The following FGF12 variants were observed in gnomAD, a reference collection of about 807,000 sequenced individuals.
FGF12 encodes the protein fibroblast growth factor 12B.
FGF12 carries 14 observed loss-of-function variants against 23.6 expected under a neutral mutation model. The ratio of observed to expected loss-of-function variants is 0.59; its 90% CI spans 0.39 to 0.93. The LOEUF is 0.93. Among genes scored for constraint, FGF12 ranks in the 40% least tolerant of loss-of-function variants. The pLI is 0.00. For missense variants in FGF12, 175 were observed against 217.8 expected, an observed-to-expected ratio of 0.80 and a Z score of 1.24; for synonymous variants, 62 against 77.3, an observed-to-expected ratio of 0.80 and a Z score of 1.04.
chr3:192,714,626 C>T (rs1457678058), intron 2 of FGF12, among the ~76,000 whole-genome samples: 2 of 147,448 alleles, frequency 1.4e-5, no homozygotes, highest in African/African-American at 5.0e-5. Context: ...TCACGCCATT[C>T]TCCTGCCTCA....
At chr3:192,163,591 T>C (rs1390783352) in intron 5 of FGF12, among the ~76,000 whole-genome samples, 1 of 152,180 alleles carries the variant, frequency 6.6e-6, no homozygotes, top group Non-Finnish European at 1.5e-5. Context: ...AGAAATCCCC[T>C]GGACAGCGTT....
At chr3:192,300,556 T>A (rs1715284297) in intron 4 of FGF12, among the ~76,000 whole-genome samples, 1 of 152,112 alleles carries the variant, frequency 6.6e-6, no homozygotes, top group African/African-American at 2.4e-5. Flanking sequence ...GGGGCGGTCA[T>A]GAGAAGTAAG....
At chr3:192,671,228 TAA>T (rs1204434746) in intron 2 of FGF12, among the ~76,000 whole-genome samples, 3 of 152,142 alleles carry the variant, frequency 2.0e-5, no homozygotes, top group African/African-American at 7.2e-5. Context: ...AGGAAAACAT[TAA>T]AAGAGAGTGA....
intron 2 of FGF12, among the ~76,000 whole-genome samples, chr3:192,675,845 A>G (rs1189867307): frequency 2.6e-5 from 4 of 152,068 alleles, no homozygotes; most frequent in Non-Finnish European, 5.9e-5. Flanking sequence ...CAGTGGAAAC[A>G]ACCGAGGTCT....
intron 2 of FGF12, among the ~76,000 whole-genome samples, chr3:192,532,953 C>T (rs995133440): frequency 2.6e-5 from 4 of 152,106 alleles, no homozygotes; most frequent in Non-Finnish European, 4.4e-5. Flanking sequence ...TTTCTCTAAC[C>T]TTATTTCTCC....
intron 5 of FGF12, among the ~76,000 whole-genome samples, chr3:192,165,799 A>C (rs1253682935): frequency 6.6e-6 from 1 of 152,156 alleles, no homozygotes; most frequent in Non-Finnish European, 1.5e-5. Flanking sequence ...CTTACTTCAG[A>C]TTGAAGGGCA....
chr3:192,466,194 C>T (rs192641973), intron 2 of FGF12, among the ~76,000 whole-genome samples: 183 of 152,238 alleles, frequency 1.2e-3, no homozygotes, highest in Non-Finnish European at 2.0e-3. Flanking sequence ...CTAAACATAT[C>T]TAAACACAGA....
At chr3:192,149,320 T>TC (rs1212985098) in intron 5 of FGF12, among the ~76,000 whole-genome samples, 1 of 151,640 alleles carries the variant, frequency 6.6e-6, no homozygotes, top group Non-Finnish European at 1.5e-5. Flanking sequence ...TGAACCTTTT[T>TC]TTTATTATTA....
intron 4 of FGF12, among the ~76,000 whole-genome samples, chr3:192,331,894 T>TA (rs1717141747): frequency 6.6e-6 from 1 of 152,114 alleles, no homozygotes; most frequent in Non-Finnish European, 1.5e-5. Context: ...CTCAGAATTG[T>TA]ATAACTACCT....
intron 2 of FGF12, among the ~76,000 whole-genome samples, chr3:192,723,947 G>A (rs867805510): frequency 7.9e-6 from 1 of 127,146 alleles, no homozygotes. Flanking sequence ...AGGAAAGGAG[G>A]GGAGGGGAGG....
At chr3:192,685,946 C>T (rs1717716312) in intron 2 of FGF12, among the ~76,000 whole-genome samples, 1 of 152,158 alleles carries the variant, frequency 6.6e-6, no homozygotes, top group African/African-American at 2.4e-5. Flanking sequence ...GCCCATCTGT[C>T]TCCATGACTG....
chr3:192,446,279 G>A (rs2108799243), intron 2 of FGF12, among the ~76,000 whole-genome samples: 1 of 152,278 alleles, frequency 6.6e-6, no homozygotes, highest in Non-Finnish European at 1.5e-5. Context: ...TATACCAAGT[G>A]AAAAACATAG....
At chr3:192,645,108 A>AT (rs1715953408) in intron 2 of FGF12, among the ~76,000 whole-genome samples, 1 of 152,152 alleles carries the variant, frequency 6.6e-6, no homozygotes, top group African/African-American at 2.4e-5. Flanking sequence ...GCTGAAGCCA[A>AT]AGAAGCTTGG....
intron 2 of FGF12, among the ~76,000 whole-genome samples, chr3:192,595,786 T>A (rs1239404695): frequency 6.6e-6 from 1 of 152,144 alleles, no homozygotes. Flanking sequence ...CATAGTAAAG[T>A]AAGACTTATT....
intron 2 of FGF12, among the ~76,000 whole-genome samples, chr3:192,597,627 C>A (rs1405568587): frequency 6.6e-6 from 1 of 152,152 alleles, no homozygotes; most frequent in African/African-American, 2.4e-5. Context: ...GAACTGGGAA[C>A]AAATGGAAAG....
intron 2 of FGF12, among the ~76,000 whole-genome samples, chr3:192,593,517 C>G (rs1412688795): frequency 6.6e-6 from 1 of 151,944 alleles, no homozygotes; most frequent in East Asian, 1.9e-4. Context: ...CTACTGAATA[C>G]CCAGTGCCTG....
At chr3:192,661,911 T>G (rs62294781) in intron 2 of FGF12, among the ~76,000 whole-genome samples, 10,485 of 152,266 alleles carry the variant, frequency 0.069, 435 homozygotes, top group Middle Eastern at 0.13. Flanking sequence ...AAAAGCTGCA[T>G]AAATATGGGC....
chr3:192,368,723 C>A (rs1391622159), intron 2 of FGF12, among the ~76,000 whole-genome samples: 1 of 152,032 alleles, frequency 6.6e-6, no homozygotes. Flanking sequence ...CATGACCATG[C>A]CCATTCACTC....
At position 192,546,322 on chromosome 3, in the gene FGF12, T is replaced by C. The variant is rs555179485; in HGVS notation, c.13+180859A>G. ...ATAGGCACTAAACAAATTAAACCTA[T>C]CATCACTAATACTTTAGGTGCAAAC... On this transcript the variant is annotated intron_variant, in intron 2 of 5. Coordinates refer to ENST00000445105, the MANE Select transcript of FGF12 (RefSeq NM_004113.6). 1.6e-4 allele frequency among the ~76,000 whole-genome samples: 25 copies of C among 152,222 alleles called. 1 individual carries two copies. In the South Asian group the frequency reaches 2.7e-3, roughly 16 times the overall value.
Sources: gnomAD v4.1 joint callset for allele counts (sites outside exome capture counted in the v4.1 genomes callset) on GRCh38, gnomAD v4.1.1 for gene constraint, MANE v1.5 for transcripts, NCBI Gene and HGNC (gene_info 2026-07-23, HGNC 2026-07-21) for gene names.